The following EOGT variants were observed in gnomAD, a reference collection of about 807,000 sequenced individuals.
The protein encoded by EOGT is EGF domain specific O-linked N-acetylglucosamine transferase, also known as EGF domain-specific O-linked N-acetylglucosamine transferase.
EOGT carries 55 observed loss-of-function variants against 70.5 expected under a neutral mutation model. The observed-to-expected ratio is 0.78, with a 90% CI of 0.63 to 0.98. EOGT has a LOEUF of 0.98. Ranked by LOEUF, EOGT falls within the 50% of genes least tolerant of loss-of-function variation. The pLI is 0.00. For missense variants in EOGT, 703 were observed against 641.9 expected (o/e 1.10, Z -1.03); for synonymous variants, 246 against 217.1 (o/e 1.13, Z -1.17).
In EOGT at chr3:69,007,676, A is replaced by G. The variant is rs200739100; in HGVS notation, c.420+37T>C. 1.7e-5 allele frequency: 23 copies of G among 1,337,342 alleles called. No individual in the cohort carries two copies. In the East Asian group the frequency reaches 4.9e-4, roughly 29 times the overall value. The allele number at this position is 1,337,342 out of a possible 1,614,324, so 82.8% of individuals were successfully genotyped here. A position where few individuals can be genotyped will look rare whatever the true frequency, so the allele number is the denominator to read the frequency against. ...CAAAAATAAATAAAATTAAAATTAA[A>G]TAAACAAGTTTATTTAGTAAGGAGC... On this transcript the variant is annotated intron_variant, in intron 6 of 17. Transcript: ENST00000383701.
rs934042846 is a variant in EOGT, at chr3:68,988,927, T to C, written c.922A>G (p.Arg308Gly). The change falls in exon 11 of 18, where the codon AGG (arginine) becomes GGG (glycine). Residue 308 changes from arginine (R) to glycine (G), a missense_variant and splice_region_variant. Transcript: ENST00000383701. ...VIHLKTYDSK[R>G]VCFKEAVFSL... ...CATTTCAGGAAAATTTCCAGTACCC[T>C]TTTGGAATCATAAGTTTTCAAATGT... 1.2e-5 allele frequency: 18 copies of C among 1,502,214 alleles called. No individual in the cohort carries two copies. The highest frequency in any genetic ancestry group is 1.5e-5 in the Non-Finnish European group (17 of 1,121,948). 93.1% of individuals were successfully genotyped at this position (1,502,214 alleles called of 1,614,324 possible).
At chr3:68,999,094 C>G (rs1013698076) in intron 9 of EOGT, among the ~76,000 whole-genome samples, 1 of 152,254 alleles carries the variant, frequency 6.6e-6, no homozygotes, top group African/African-American at 2.4e-5. Context: ...GCCAAGCATG[C>G]GCAACATTCT....
Position 69,001,623 on chromosome 3 carries a change from T to C in EOGT, c.712A>G (p.Met238Val). The C allele has an allele frequency of 6.2e-7, 1 of 1,602,720 alleles. No homozygotes were observed. Among genetic ancestry groups the C allele is most frequent in the Non-Finnish European group, 8.5e-7 (1 of 1,172,398 alleles). Residue 238 changes from methionine (M) to valine (V), a missense_variant, in exon 9 of 18, where the codon ATG becomes GTG. By Grantham distance (21) the Met-to-Val change is conservative. Coordinates refer to ENST00000383701, the MANE Select transcript of EOGT (RefSeq NM_001278689.2). ...TATTTCTCACCTGCATCTAATTTCA[T>C]GAAATATGTTGGTTTTTCAATGACA... Reference protein sequence around the residue: ...DIVIEKPTYFMKLDAGVNMYH... With the variant: ...DIVIEKPTYFVKLDAGVNMYH...
At chr3:69,007,241 T>C (rs534352506) in intron 6 of EOGT, among the ~76,000 whole-genome samples, 36 of 152,192 alleles carry the variant, frequency 2.4e-4, no homozygotes, top group Non-Finnish European at 4.4e-4. Flanking sequence ...GGAAGTTACA[T>C]AAAATTCTAT....
At chr3:69,005,302 T>A (rs2091412842) in intron 6 of EOGT, 68 bp from the exon 7 acceptor site, 6 of 839,502 alleles carry the variant, frequency 7.1e-6, no homozygotes, top group Non-Finnish European at 1.2e-5. Flanking sequence ...CCGGACTTGC[T>A]AGACACACTG....
Position 68,982,869 on chromosome 3 carries a change from C to T in EOGT, c.1156G>A (p.Val386Ile), listed in dbSNP as rs900088584. The T allele has an allele frequency of 6.3e-7, 1 of 1,599,292 alleles. No individual in the cohort carries two copies. Among genetic ancestry groups the T allele is most frequent in the East Asian group, 2.3e-5 (1 of 44,270 alleles). The change falls in exon 15 of 18, where the codon GTA (valine) becomes ATA (isoleucine). Residue 386 changes from valine to isoleucine, a missense_variant. Coordinates refer to ENST00000383701, the MANE Select transcript of EOGT (RefSeq NM_001278689.2). ...GTAGATACTGTTTTCAGTGCATTTA[C>T]AAGCTGGGAAAAAAAGAGAAACATT... ...YRKILNQNEL[V>I]NALKTVSTFE...
chr3:68,984,288 A>G (rs1016142670), intron 14 of EOGT, among the ~76,000 whole-genome samples: 1 of 152,088 alleles, frequency 6.6e-6, no homozygotes, highest in African/African-American at 2.4e-5. Context: ...ACAGCCACTG[A>G]AATCTTATAA....
intron 12 of EOGT, 25 bp downstream of exon 12, chr3:68,988,481 T>C (rs1175174321): frequency 6.6e-6 from 10 of 1,508,658 alleles, no homozygotes; most frequent in Non-Finnish European, 8.0e-6. Context: ...TAAATATGAA[T>C]GCTAATGGTA....
chr3:68,988,512 A>T lies in EOGT; in HGVS notation c.990T>A (p.Thr330=). The T allele has an allele frequency of 1.3e-6, 2 of 1,531,482 alleles. No individual in the cohort carries two copies. The highest frequency in any genetic ancestry group is 1.7e-6 in the Non-Finnish European group (2 of 1,143,178). The allele number at this position is 1,531,482 out of a possible 1,614,324, so 94.9% of individuals were successfully genotyped here. ...TGGTAGACAATGTGCTTACCAGAGGAGTATTATAGAACAGCCCATACCTCA... is the reference window on the plus strand; with the variant it reads ...TGGTAGACAATGTGCTTACCAGAGGTGTATTATAGAACAGCCCATACCTCA... ...PRMRYGLFYN[T]PLISGCQNTG... is the part of the protein sequence containing the mutation. Residue 330 remains threonine, a synonymous_variant, in exon 12 of 18, where the codon ACT becomes ACA. Coordinates refer to ENST00000383701, the MANE Select transcript of EOGT (RefSeq NM_001278689.2).
rs116138787 is a variant in EOGT, at chr3:69,004,435, T to A, written c.563A>T (p.Lys188Ile). The change falls in exon 8 of 18, where the codon AAA (lysine) becomes ATA (isoleucine). Residue 188 changes from lysine to isoleucine, a missense_variant. By Grantham distance (102) the Lys-to-Ile change is moderately radical. Transcript: ENST00000383701. ...FQSGEIGGHC[K>I]LDIRTLTSEG... is the part of the protein sequence containing the mutation. The stretch of plus-strand genomic sequence containing the variant: ...AGACGTCAATGTACGGATGTCAAGT[T>A]TACAGTGCCCTCCAATTTCACCACT... 1.7e-3 allele frequency: 2,720 copies of A among 1,614,114 alleles called. 40 individuals are homozygous for A. In the African/African-American group the frequency reaches 0.029, roughly 17 times the overall value.
At chr3:68,988,467 TCTGTAAATATGAATG>T (rs2090882733) in intron 12 of EOGT, 24 bp downstream of exon 12, 1 of 1,495,218 alleles carries the variant, frequency 6.7e-7, no homozygotes. Context: ...AAATGTTATG[TCTGTAAATATGAATG>T]CTAATGGTAG....
chr3:68,979,909 C>T, intron 15 of EOGT, 122 bp from the exon 16 acceptor site: 1 of 932,030 alleles, frequency 1.1e-6, no homozygotes, highest in Non-Finnish European at 1.5e-6. Flanking sequence ...AACCACATTC[C>T]ATTTTTAAGA....
intron 15 of EOGT, among the ~76,000 whole-genome samples, chr3:68,980,613 G>T (rs1009277539): frequency 3.9e-5 from 6 of 152,180 alleles, no homozygotes; most frequent in South Asian, 2.1e-4. Context: ...GATTATTTTG[G>T]ATCTACGAAG....
In EOGT at chr3:68,984,005, T is replaced by A. The variant is rs543600419; in HGVS notation, c.1153-1133A>T. ...TACCAAATATCATACCAAGTAAGTA[T>A]TAGTACTATGCCCACTTTACAAATT... On this transcript the variant is annotated intron_variant, in intron 14 of 17. Transcript: ENST00000383701. Among the ~76,000 whole-genome samples the A allele has an allele frequency of 2.0e-5, 3 of 152,252 alleles. No homozygotes were observed. In the East Asian group the frequency reaches 5.8e-4, roughly 29 times the overall value.
intron 10 of EOGT, among the ~76,000 whole-genome samples, chr3:68,993,592 C>A (rs1037412772): frequency 6.6e-6 from 1 of 152,170 alleles, no homozygotes; most frequent in Non-Finnish European, 1.5e-5. Context: ...CTGTTCCAAT[C>A]GCTGCTTGCT....
In EOGT at chr3:69,009,683, C is replaced by T. The variant is rs1417050926; in HGVS notation, c.164G>A (p.Arg55Lys). Residue 55 changes from arginine to lysine, a missense_variant, in exon 4 of 18, where the codon AGG (arginine) becomes AAG (lysine). Coordinates refer to ENST00000383701, the MANE Select transcript of EOGT (RefSeq NM_001278689.2). ...TTTCCTACAGACAGTGGCAATATGC[C>T]TATTGTTGTGCAAAAAGAAGGGAAT... ...EHIPFFLHNN[R>K]HIATVCRKDS... 6.2e-7 allele frequency: 1 copy of T among 1,613,974 alleles called. No homozygotes were observed. Among genetic ancestry groups the T allele is most frequent in the Admixed American group, 1.7e-5 (1 of 60,002 alleles).
rs1405294508 is a variant in EOGT at position 68,975,651 on chromosome 3, C to CA, written c.*1966dup. The CA allele has an allele frequency of 6.6e-6, 1 of 152,286 alleles. No homozygotes were observed. Among genetic ancestry groups the CA allele is most frequent in the Non-Finnish European group, 1.5e-5 (1 of 68,002 alleles). The allele number at this position is 152,286 out of a possible 1,614,324, so 9.4% of individuals were successfully genotyped here. On this transcript the variant is annotated 3_prime_UTR_variant, in exon 18 of 18. Coordinates refer to ENST00000383701, the MANE Select transcript of EOGT (RefSeq NM_001278689.2). ...CAGTGGTTACTCAGTATTTTGCACA[C>CA]AAAAAACAGTTACAATACCTGCCAC...
At chr3:69,003,676 C>T (rs563477231) in intron 8 of EOGT, among the ~76,000 whole-genome samples, 3 of 152,064 alleles carry the variant, frequency 2.0e-5, no homozygotes, top group Non-Finnish European at 4.4e-5. Context: ...TTTTTAAATT[C>T]AAAAAGCTGG....
Position 68,988,570 on chromosome 3 carries a change from A to G in EOGT, c.932T>C (p.Phe311Ser). The change falls in exon 12 of 18, where the codon TTT becomes TCT. Residue 311 changes from phenylalanine (F) to serine (S), a missense_variant. Coordinates refer to ENST00000383701, the MANE Select transcript of EOGT (RefSeq NM_001278689.2). ...LKTYDSKRVC[F>S]KEAVFSLLPR... ...GAGTAATGAAAAAACAGCTTCTTTA[A>G]AACATACCTAAGAACAAAGATACAT... The G allele has an allele frequency of 6.5e-7, 1 of 1,527,096 alleles. No homozygotes were observed. Among genetic ancestry groups the G allele is most frequent in the Non-Finnish European group, 8.8e-7 (1 of 1,141,290 alleles). 94.6% of individuals were successfully genotyped at this position (1,527,096 alleles called of 1,614,324 possible).
Sources: gnomAD v4.1 joint callset for allele counts (sites outside exome capture counted in the v4.1 genomes callset) on GRCh38, gnomAD v4.1.1 for gene constraint, MANE v1.5 for transcripts, NCBI Gene and HGNC (gene_info 2026-07-23, HGNC 2026-07-21) for gene names.